Variants in MRPS6 observed in about 807,000 individuals in gnomAD.
MRPS6 encodes small ribosomal subunit protein bS6m.
MRPS6 carries 6 observed loss-of-function variants against 13.1 expected under a neutral mutation model. The ratio of observed to expected loss-of-function variants is 0.46; its 90% CI spans 0.25 to 0.91. MRPS6 has a LOEUF of 0.91. MRPS6 is among the 40% of genes least tolerant of loss of function. The pLI is 0.18. For missense variants in MRPS6, 164 were observed against 155.6 expected, an observed-to-expected ratio of 1.05 and a Z score of -0.29; for synonymous variants, 61 against 56.5, an observed-to-expected ratio of 1.08 and a Z score of -0.36.
At chr21:34,109,306 G>A (rs956915975) in intron 1 of MRPS6, among the ~76,000 whole-genome samples, 1 of 152,128 alleles carries the variant, frequency 6.6e-6, no homozygotes, top group Non-Finnish European at 1.5e-5. Flanking sequence ...ATAGGGTGGA[G>A]CACGCTGGCA....
chr21:34,118,561 T>C (rs113505157), intron 1 of MRPS6, among the ~76,000 whole-genome samples: 105 of 110,102 alleles, frequency 9.5e-4, no homozygotes, highest in Middle Eastern at 4.8e-3. Context: ...TTCTTTCTTT[T>C]TTTTTTTTTT....
intron 1 of MRPS6, among the ~76,000 whole-genome samples, chr21:34,083,952 G>T (rs1462724045): frequency 1.3e-5 from 2 of 152,112 alleles, no homozygotes; most frequent in Non-Finnish European, 2.9e-5. Flanking sequence ...TATTTCCCTG[G>T]ATTTTTCTAT....
chr21:34,133,251 G>A (rs1980567788), intron 2 of MRPS6, among the ~76,000 whole-genome samples: 1 of 152,014 alleles, frequency 6.6e-6, no homozygotes, highest in Non-Finnish European at 1.5e-5. Context: ...TCCATCCTTG[G>A]GTATTCTTTT....
intron 1 of MRPS6, among the ~76,000 whole-genome samples, chr21:34,086,901 C>G (rs539853113): frequency 1.3e-5 from 2 of 152,150 alleles, no homozygotes; most frequent in Non-Finnish European, 2.9e-5. Flanking sequence ...GGAATTGTTG[C>G]TTGCCGGCAC....
chr21:34,091,102 G>C (rs1978660972), intron 1 of MRPS6, among the ~76,000 whole-genome samples: 1 of 152,152 alleles, frequency 6.6e-6, no homozygotes, highest in Non-Finnish European at 1.5e-5. Flanking sequence ...TTTTCATTTG[G>C]ATCAGAGGAT....
At chr21:34,131,810 C>A (rs1240173924) in intron 2 of MRPS6, among the ~76,000 whole-genome samples, 2 of 152,212 alleles carry the variant, frequency 1.3e-5, no homozygotes, top group Non-Finnish European at 2.9e-5. Flanking sequence ...CTGTCATGGA[C>A]AGTCTCCCAC....
intron 1 of MRPS6, chr21:34,102,242 T>G: frequency 1.0e-6 from 1 of 999,898 alleles, no homozygotes; most frequent in Non-Finnish European, 1.2e-6. Context: ...TTGCCAGTGG[T>G]GAGTCCCACA....
intron 1 of MRPS6, among the ~76,000 whole-genome samples, chr21:34,120,267 A>T (rs1179412323): frequency 6.6e-6 from 1 of 152,138 alleles, no homozygotes; most frequent in Non-Finnish European, 1.5e-5. Flanking sequence ...GCAGATATTA[A>T]TCCAACAGCC....
intron 1 of MRPS6, among the ~76,000 whole-genome samples, chr21:34,113,486 C>T (rs1979786486): frequency 6.6e-6 from 1 of 152,144 alleles, no homozygotes; most frequent in Non-Finnish European, 1.5e-5. Context: ...TATGATTTCC[C>T]TCATATGTGG....
rs1190717110 is a variant in MRPS6, at chr21:34,089,041, C to A, written c.45+15296C>A. On this transcript the variant is annotated intron_variant, in intron 1 of 2. Coordinates refer to ENST00000399312, the MANE Select transcript of MRPS6 (RefSeq NM_032476.4). ...GCTCTGTTATTTCATATTTCCTTTT[C>A]TTTTTGAGACAGTCTCGCTCTGTTG... Among the ~76,000 whole-genome samples the A allele has an allele frequency of 3.3e-5, 5 of 152,096 alleles. No homozygotes were observed. In the South Asian group the frequency reaches 1.0e-3, roughly 32 times the overall value.
chr21:34,101,006 A>G, intron 1 of MRPS6: 1 of 1,000,188 alleles, frequency 1.0e-6, no homozygotes. Context: ...GAAAGGGATC[A>G]CATGGGTCGT....
intron 2 of MRPS6, chr21:34,135,714 G>A (rs958210579): frequency 4.9e-6 from 2 of 406,024 alleles, no homozygotes; most frequent in Non-Finnish European, 9.9e-6. Flanking sequence ...TGTTCACCAG[G>A]ACCTGGAGGT....
chr21:34,112,789 A>G lies in MRPS6; in HGVS notation c.46-12552A>G, dbSNP rs555277025. 2.0e-5 allele frequency among the ~76,000 whole-genome samples: 3 copies of G among 152,266 alleles called. No individual in the cohort carries two copies. In the East Asian group the frequency reaches 5.8e-4, roughly 29 times the overall value. On this transcript the variant is annotated intron_variant, in intron 1 of 2. Transcript: ENST00000399312. The stretch of plus-strand genomic sequence containing the variant: ...TATGAGATCAACTTTTTAAAATGTC[A>G]TGAGTGAGATTATACAGTATTTGTC...
At chr21:34,108,723 A>T (rs1043446936) in intron 1 of MRPS6, among the ~76,000 whole-genome samples, 2 of 152,180 alleles carry the variant, frequency 1.3e-5, no homozygotes, top group African/African-American at 2.4e-5. Flanking sequence ...TTTGTTTGCA[A>T]CTTTGGCTGA....
intron 1 of MRPS6, among the ~76,000 whole-genome samples, chr21:34,116,188 G>C (rs974493818): frequency 7.7e-6 from 1 of 130,540 alleles, no homozygotes; most frequent in Non-Finnish European, 1.5e-5. Context: ...TTGTGTGTGT[G>C]TGTGTGTGTG....
chr21:34,124,437 C>T (rs535016983), intron 1 of MRPS6: 10 of 151,646 alleles, frequency 6.6e-5, no homozygotes, highest in Non-Finnish European at 1.5e-4. Context: ...AGAAATTCAC[C>T]AGAAAGTTTA....
intron 1 of MRPS6, among the ~76,000 whole-genome samples, chr21:34,088,462 A>C (rs1030656009): frequency 3.3e-5 from 5 of 152,190 alleles, no homozygotes; most frequent in African/African-American, 1.2e-4. Flanking sequence ...TGATCACACA[A>C]AGATTTCAAC....
chr21:34,096,410 C>T lies in MRPS6; in HGVS notation c.45+22665C>T. 6.2e-7 allele frequency: 1 copy of T among 1,614,174 alleles called. No individual in the cohort carries two copies. Among genetic ancestry groups the T allele is most frequent in the Non-Finnish European group, 8.5e-7 (1 of 1,180,022 alleles). On this transcript the variant is annotated intron_variant, in intron 1 of 2. Transcript: ENST00000399312. The surrounding 1 kb of genome is among the most constrained non-coding windows in gnomAD (Gnocchi z 5.9). ...AACTTATCCGCAAGAGCGCAAGCTC[C>T]CGGGAGTTAATGATTGTGGGGAGGA...
At chr21:34,090,730 T>C (rs906362144) in intron 1 of MRPS6, among the ~76,000 whole-genome samples, 3 of 152,178 alleles carry the variant, frequency 2.0e-5, no homozygotes, top group African/African-American at 7.2e-5. Flanking sequence ...TTATAAATCA[T>C]AAGGAGCAAG....
Sources: allele counts gnomAD v4.1 joint callset (sites outside exome capture counted in the v4.1 genomes callset), GRCh38; gene constraint gnomAD v4.1.1; non-coding constraint Gnocchi (gnomAD v3.1); transcripts MANE v1.5; gene names NCBI Gene and HGNC (gene_info 2026-07-23, HGNC 2026-07-21).